The following TACR3 variants were observed in gnomAD, a reference collection of about 807,000 sequenced individuals.
TACR3 encodes neuromedin-K receptor.
A neutral mutation model predicts 35.0 loss-of-function variants in TACR3; 34 were observed. The ratio of observed to expected loss-of-function variants is 0.97; its 90% CI spans 0.74 to 1.30. TACR3 has a LOEUF of 1.30. TACR3 is among the 50% of genes most tolerant of loss of function. The pLI is 0.00. For missense variants in TACR3, 558 were observed against 591.7 expected (o/e 0.94, Z 0.59); for synonymous variants, 233 against 221.1 (o/e 1.05, Z -0.48).
chr4:103,719,792 A>G lies in TACR3; in HGVS notation c.-117T>C. On this transcript the variant is annotated 5_prime_UTR_variant, in exon 1 of 5. Transcript: ENST00000304883. Reference sequence around the variant, plus strand: ...TTTGGTGCCGGAGTCTTCAGATAAGACTGGAAGCTGAAAGATACTGCAATC... The same window carrying G: ...TTTGGTGCCGGAGTCTTCAGATAAGGCTGGAAGCTGAAAGATACTGCAATC... 7.5e-7 allele frequency: 1 copy of G among 1,332,282 alleles called. No homozygotes were observed. The highest frequency in any genetic ancestry group is 1.3e-5 in the South Asian group (1 of 79,920). The allele number at this position is 1,332,282 out of a possible 1,614,324, so 82.5% of individuals were successfully genotyped here.
intron 3 of TACR3, among the ~76,000 whole-genome samples, chr4:103,652,706 T>C (rs1390898439): frequency 6.6e-6 from 1 of 152,086 alleles, no homozygotes. Flanking sequence ...GAGTAGTGTA[T>C]AGAATTGTTT....
At chr4:103,629,546 A>G (rs1160281433) in intron 3 of TACR3, among the ~76,000 whole-genome samples, 1 of 152,150 alleles carries the variant, frequency 6.6e-6, no homozygotes, top group Non-Finnish European at 1.5e-5. Flanking sequence ...CACAATTGCT[A>G]CAAAGAGAAT....
rs186903873 is a variant in TACR3 at position 103,601,269 on chromosome 4, G to C, written c.889-9586C>G. Among the ~76,000 whole-genome samples, 222 of 151,864 alleles carry C rather than the reference G, an allele frequency of 1.5e-3. 2 individuals carry two copies. The East Asian group carries it at 0.015, about 10-fold the overall frequency. ...ATTTTCCTCCATCCCTTTATTTTGA[G>C]CCTATGTGTGTCTCTGCATGTGAGA... On this transcript the variant is annotated intron_variant, in intron 3 of 4. Transcript: ENST00000304883.
chr4:103,620,509 A>AGTG (rs1423737589), intron 3 of TACR3, among the ~76,000 whole-genome samples: 3 of 152,230 alleles, frequency 2.0e-5, no homozygotes, highest in African/African-American at 7.2e-5. Context: ...GGTACCCATT[A>AGTG]ATGATAGAGT....
At chr4:103,639,516 C>T (rs2110318543) in intron 3 of TACR3, among the ~76,000 whole-genome samples, 1 of 152,016 alleles carries the variant, frequency 6.6e-6, no homozygotes, top group South Asian at 2.1e-4. Context: ...GGGTGCAGCA[C>T]ACCAACATGG....
chr4:103,693,891 T>C (rs1722466153), intron 1 of TACR3, among the ~76,000 whole-genome samples: 1 of 152,148 alleles, frequency 6.6e-6, no homozygotes, highest in Non-Finnish European at 1.5e-5. Context: ...TTCTGTGAGA[T>C]ATTTATGTTA....
intron 1 of TACR3, among the ~76,000 whole-genome samples, chr4:103,701,190 C>A (rs928072787): frequency 4.6e-5 from 7 of 151,904 alleles, no homozygotes; most frequent in African/African-American, 1.7e-4. Flanking sequence ...TGATAGGCAA[C>A]TTCAGCAAAG....
chr4:103,679,914 T>C (rs1726253061), intron 1 of TACR3, among the ~76,000 whole-genome samples: 1 of 151,894 alleles, frequency 6.6e-6, no homozygotes, highest in South Asian at 2.1e-4. Flanking sequence ...AGCTCTATTA[T>C]ATATATATTT....
chr4:103,586,367 A>G lies in TACR3; in HGVS notation c.*3315T>C, dbSNP rs557837059. ...ATTCTGGATTTCCTTAGCTTTTGAC[A>G]TATTATCAATGATAAGTAGGAAATT... On this transcript the variant is annotated 3_prime_UTR_variant, in exon 5 of 5. Coordinates refer to ENST00000304883, the MANE Select transcript of TACR3 (RefSeq NM_001059.3). 1.3e-5 allele frequency: 2 copies of G among 152,152 alleles called. No homozygotes were observed. The highest frequency in any genetic ancestry group is 2.4e-5 in the African/African-American group (1 of 41,544). 9.4% of individuals were successfully genotyped at this position (152,152 alleles called of 1,614,324 possible).
chr4:103,668,134 G>T (rs1725973314), intron 1 of TACR3, among the ~76,000 whole-genome samples: 2 of 152,070 alleles, frequency 1.3e-5, no homozygotes, highest in South Asian at 2.1e-4. Flanking sequence ...TTATTTTTTT[G>T]AAAACAATTC....
intron 1 of TACR3, among the ~76,000 whole-genome samples, chr4:103,713,383 A>G (rs1393568382): frequency 6.7e-6 from 1 of 149,754 alleles, no homozygotes. Context: ...CAAAAAACCA[A>G]ACAGCGCATG....
At chr4:103,686,291 T>G (rs1329418985) in intron 1 of TACR3, among the ~76,000 whole-genome samples, 1 of 152,148 alleles carries the variant, frequency 6.6e-6, no homozygotes, top group East Asian at 1.9e-4. Context: ...ATGACACAGA[T>G]CCAATGGCAA....
At chr4:103,623,580 T>C (rs1433340366) in intron 3 of TACR3, among the ~76,000 whole-genome samples, 1 of 152,158 alleles carries the variant, frequency 6.6e-6, no homozygotes, top group African/African-American at 2.4e-5. Context: ...GGGTGTGGGT[T>C]AAATCCTTTA....
intron 1 of TACR3, among the ~76,000 whole-genome samples, chr4:103,683,469 CCAAA>C (rs1722146849): frequency 6.4e-5 from 1 of 15,734 alleles, no homozygotes; most frequent in African/African-American, 3.5e-4. Context: ...GAAAGACTGA[CCAAA>C]AAAAAAAAAA....
chr4:103,614,887 T>TG lies in TACR3; in HGVS notation c.889-23205_889-23204insC, dbSNP rs1560807393. ...AACCTAAGTTGATTATGAATGTGTT[T>TG]TTTTTTTTTTTTTTTTTTTTTTTTT... On this transcript the variant is annotated intron_variant, in intron 3 of 4. Coordinates refer to ENST00000304883, the MANE Select transcript of TACR3 (RefSeq NM_001059.3). Among the ~76,000 whole-genome samples the TG allele has an allele frequency of 3.7e-3, 349 of 93,386 alleles. 4 individuals are homozygous for TG. The highest frequency in any genetic ancestry group is 0.015 in the African/African-American group (340 of 23,184). 61.3% of individuals were successfully genotyped at this position (93,386 alleles called of 152,430 possible).
At chr4:103,636,454 T>C (rs999516977) in intron 3 of TACR3, among the ~76,000 whole-genome samples, 1 of 151,990 alleles carries the variant, frequency 6.6e-6, no homozygotes, top group Non-Finnish European at 1.5e-5. Context: ...TTCTCAGAAA[T>C]GATGTTATAC....
intron 1 of TACR3, among the ~76,000 whole-genome samples, chr4:103,687,280 A>T (rs1392081409): frequency 1.3e-5 from 2 of 152,298 alleles, no homozygotes; most frequent in Non-Finnish European, 2.9e-5. Flanking sequence ...ACAAATCCAC[A>T]GCCAATATCA....
intron 1 of TACR3, among the ~76,000 whole-genome samples, chr4:103,663,597 A>T (rs992423860): frequency 6.6e-6 from 1 of 152,224 alleles, no homozygotes; most frequent in African/African-American, 2.4e-5. Context: ...AGATTAGGGC[A>T]TTACCACTGG....
chr4:103,627,720 T>C (rs1252101315), intron 3 of TACR3, among the ~76,000 whole-genome samples: 4 of 149,912 alleles, frequency 2.7e-5, no homozygotes, highest in African/African-American at 7.3e-5. Flanking sequence ...CCACTGTCAA[T>C]ATTAGACAGA....
Sources: gnomAD v4.1 joint callset for allele counts (sites outside exome capture counted in the v4.1 genomes callset) on GRCh38, gnomAD v4.1.1 for gene constraint, MANE v1.5 for transcripts, NCBI Gene and HGNC (gene_info 2026-07-23, HGNC 2026-07-21) for gene names.